The following TRIM2 variants were observed in gnomAD, a reference collection of about 807,000 sequenced individuals.
The protein encoded by TRIM2 is tripartite motif-containing protein 2.
A neutral mutation model predicts 75.2 loss-of-function variants in TRIM2; 20 were observed. The ratio of observed to expected loss-of-function variants is 0.27; its 90% CI spans 0.19 to 0.39. TRIM2 has a LOEUF of 0.39. Among genes scored for constraint, TRIM2 ranks in the 10% least tolerant of loss-of-function variants. TRIM2 has a pLI of 1.00. For synonymous variants in TRIM2, 373 were observed against 388.3 expected, an observed-to-expected ratio of 0.96 and a Z score of 0.46; for missense variants, 660 against 990.8, an observed-to-expected ratio of 0.67 and a Z score of 4.48.
upstream of TRIM2, among the ~76,000 whole-genome samples, chr4:153,200,716 G>GAAAAAA (rs71598251): frequency 3.3e-3 from 430 of 130,832 alleles, 4 homozygotes; most frequent in African/African-American, 0.012. Context: ...TTTTTAGTAA[G>GAAAAAA]AAAAAAAAAT....
intron 1 of TRIM2, among the ~76,000 whole-genome samples, chr4:153,212,618 T>C (rs908494444): frequency 1.3e-5 from 2 of 152,018 alleles, no homozygotes; most frequent in Non-Finnish European, 2.9e-5. Context: ...ATTGCACCAC[T>C]GCAGTCCAGC....
At chr4:153,327,643 T>A (rs1770539434) in intron 10 of TRIM2, among the ~76,000 whole-genome samples, 1 of 152,238 alleles carries the variant, frequency 6.6e-6, no homozygotes, top group Admixed American at 6.5e-5. Flanking sequence ...TATAGTGTTA[T>A]CATTAAACAT....
chr4:153,240,133 C>T, intron 1 of TRIM2, among the ~76,000 whole-genome samples: 1 of 152,146 alleles, frequency 6.6e-6, no homozygotes, highest in Non-Finnish European at 1.5e-5. Flanking sequence ...CACGCCTGGC[C>T]AGCATCCTAA....
chr4:153,166,865 A>G (rs890391072), intron 1 of TRIM2, among the ~76,000 whole-genome samples: 6 of 152,174 alleles, frequency 3.9e-5, no homozygotes, highest in Admixed American at 1.3e-4. Flanking sequence ...CAGTATACAG[A>G]TTCACTTTAA....
chr4:153,278,029 G>C (rs918819397), intron 3 of TRIM2, among the ~76,000 whole-genome samples: 4 of 152,166 alleles, frequency 2.6e-5, no homozygotes, highest in Admixed American at 6.5e-5. Context: ...TTAAAATGAG[G>C]CTCTCTGGAG....
intron 6 of TRIM2, among the ~76,000 whole-genome samples, chr4:153,312,579 A>T (rs1433378004): frequency 2.6e-5 from 4 of 152,126 alleles, no homozygotes; most frequent in Non-Finnish European, 4.4e-5. Flanking sequence ...GAGGATGTGG[A>T]GAAATAGGAA....
chr4:153,237,826 T>C (rs1210951493), intron 1 of TRIM2, among the ~76,000 whole-genome samples: 1 of 148,350 alleles, frequency 6.7e-6, no homozygotes, highest in East Asian at 1.9e-4. Context: ...ACAAATATTA[T>C]ACAAATATTA....
intron 1 of TRIM2, among the ~76,000 whole-genome samples, chr4:153,188,441 C>G (rs566753655): frequency 6.6e-6 from 1 of 152,074 alleles, no homozygotes; most frequent in Non-Finnish European, 1.5e-5. Flanking sequence ...GCCTAGGTAA[C>G]AAAGTGAGAC....
rs1769031847 is a variant in TRIM2, at chr4:153,321,736, A to G, written c.1783-912A>G. Among the ~76,000 whole-genome samples the G allele has an allele frequency of 2.0e-5, 3 of 152,170 alleles. No homozygotes were observed. The South Asian group carries it at 6.2e-4, about 32-fold the overall frequency. ...TAATTCTCGTAAAGTTTAATGCTAG[A>G]TGCCAGGCAATTTTGATATTATGAT... On this transcript the variant is annotated intron_variant, in intron 8 of 11. Coordinates refer to ENST00000338700, the MANE Select transcript of TRIM2 (RefSeq NM_015271.5).
intron 2 of TRIM2, among the ~76,000 whole-genome samples, chr4:153,273,136 G>A (rs1416085378): frequency 6.6e-6 from 1 of 151,940 alleles, no homozygotes; most frequent in African/African-American, 2.4e-5. Context: ...TGCGCCCGGT[G>A]GGGAAATTTT....
intron 8 of TRIM2, 50 bp from the exon 9 acceptor site, chr4:153,322,598 T>G (rs1170419253): frequency 1.5e-5 from 23 of 1,584,904 alleles, no homozygotes; most frequent in Non-Finnish European, 2.0e-5. Flanking sequence ...TGTAGTGGTT[T>G]AAACTTTGAC....
intron 3 of TRIM2, among the ~76,000 whole-genome samples, chr4:153,285,361 G>GT (rs1287262942): frequency 3.3e-5 from 5 of 152,232 alleles, no homozygotes; most frequent in African/African-American, 1.2e-4. Context: ...TTTGAAATTG[G>GT]TAACTATGAG....
intron 1 of TRIM2, among the ~76,000 whole-genome samples, chr4:153,193,941 G>A (rs144478145): frequency 2.0e-5 from 3 of 152,122 alleles, no homozygotes; most frequent in Admixed American, 6.5e-5. Context: ...ACAGGGATGC[G>A]GGGCCCCCAG....
At chr4:153,157,123 T>C (rs1729308068) in intron 1 of TRIM2, 1 of 152,280 alleles carries the variant, frequency 6.6e-6, no homozygotes, top group African/African-American at 2.4e-5. Context: ...CCAGTGCTGA[T>C]ACACAGAAGC....
intron 1 of TRIM2, among the ~76,000 whole-genome samples, chr4:153,191,077 C>G (rs1013160763): frequency 2.6e-5 from 4 of 152,216 alleles, no homozygotes; most frequent in African/African-American, 9.6e-5. Flanking sequence ...TTCTCCTTCT[C>G]TATGCCTTTT....
chr4:153,260,738 A>C (rs2149983611), intron 1 of TRIM2, among the ~76,000 whole-genome samples: 1 of 121,258 alleles, frequency 8.2e-6, no homozygotes, highest in East Asian at 2.7e-4. Flanking sequence ...CATCATCATC[A>C]TCATCATGAT....
chr4:153,335,992 A>G lies in TRIM2; in HGVS notation c.*1026A>G. 1 of 985,874 alleles carries G rather than the reference A, an allele frequency of 1.0e-6. No individual in the cohort carries two copies. The highest frequency in any genetic ancestry group is 5.2e-4 in the Middle Eastern group (1 of 1,914). 61.1% of individuals were successfully genotyped at this position (985,874 alleles called of 1,614,324 possible). ...GATTCCCCCTTAGAAAGCAAGTGTT[A>G]CCAAAGTTGTGTTATCTTGAAAGCA... On this transcript the variant is annotated 3_prime_UTR_variant, in exon 12 of 12. Transcript: ENST00000338700.
At chr4:153,204,179 A>C (rs1026551410), upstream of TRIM2, among the ~76,000 whole-genome samples, 1 of 152,146 alleles carries the variant, frequency 6.6e-6, no homozygotes, top group African/African-American at 2.4e-5. Context: ...ACTTTCCTGA[A>C]ATTGGTCTTC....
intron 3 of TRIM2, among the ~76,000 whole-genome samples, chr4:153,278,960 T>A (rs1758636867): frequency 1.3e-5 from 2 of 152,044 alleles, no homozygotes; most frequent in Admixed American, 1.3e-4. Context: ...AAAAGATAGA[T>A]GTGGAGAGAT....
Sources: allele counts gnomAD v4.1 joint callset (sites outside exome capture counted in the v4.1 genomes callset), GRCh38; gene constraint gnomAD v4.1.1; transcripts MANE v1.5; gene names NCBI Gene and HGNC (gene_info 2026-07-23, HGNC 2026-07-21).